ITGAD: variants seen among roughly 807,000 people sequenced by gnomAD.
ITGAD encodes the protein integrin alpha-D.
Under a neutral mutation model 139.0 loss-of-function variants are expected in ITGAD, and 105 were observed. The ratio of observed to expected loss-of-function variants is 0.76; its 90% CI spans 0.65 to 0.89. ITGAD has a LOEUF of 0.89. Ranked by LOEUF, ITGAD falls within the 40% of genes least tolerant of loss-of-function variation. The pLI, the probability that ITGAD is intolerant of heterozygous loss-of-function variation, is 0.00. For missense variants in ITGAD, 1,384 were observed against 1,487.3 expected (o/e 0.93, Z 1.14); for synonymous variants, 569 against 598.3 (o/e 0.95, Z 0.71).
At chr16:31,397,937 T>G in intron 5 of ITGAD, 28 bp downstream of exon 5, 1 of 1,550,616 alleles carries the variant, frequency 6.4e-7, no homozygotes, top group Non-Finnish European at 8.8e-7. Context: ...CATGGTTCCC[T>G]GTGGAGCACA....
chr16:31,409,569 C>T (rs1205226788), intron 10 of ITGAD, among the ~76,000 whole-genome samples: 1 of 152,082 alleles, frequency 6.6e-6, no homozygotes. Context: ...ATGCCTGTGG[C>T]TCCCTGAAGG....
At position 31,411,366 on chromosome 16, in the gene ITGAD, G is replaced by A. The variant is rs752180420; in HGVS notation, c.1556G>A (p.Arg519His). The A allele has an allele frequency of 2.0e-5, 33 of 1,613,900 alleles. No individual in the cohort carries two copies. Among genetic ancestry groups the A allele is most frequent in the Non-Finnish European group, 2.5e-5 (30 of 1,179,956 alleles). ...LRGEQGHPWGRFGAALTVLGD... is the reference protein window; with the variant it reads ...LRGEQGHPWGHFGAALTVLGD... ...GGTGAGCAGGGCCACCCCTGGGGCCGCTTTGGGGCAGCCCTGACAGTGTTG... is the reference window on the plus strand; with the variant it reads ...GGTGAGCAGGGCCACCCCTGGGGCCACTTTGGGGCAGCCCTGACAGTGTTG... Residue 519 changes from arginine to histidine, a missense_variant, in exon 14 of 30, where the codon CGC (arginine) becomes CAC (histidine). Arg to His is a conservative substitution (Grantham distance 29). Transcript: ENST00000389202.
intron 14 of ITGAD, among the ~76,000 whole-genome samples, chr16:31,411,972 T>C (rs774138804): frequency 3.9e-5 from 6 of 152,122 alleles, no homozygotes; most frequent in Non-Finnish European, 8.8e-5. Context: ...ATTGTTACGC[T>C]CTTACTTCCT....
At chr16:31,408,263 C>T (rs1011875942) in intron 9 of ITGAD, among the ~76,000 whole-genome samples, 162 bp from the exon 10 acceptor site, 9 of 152,162 alleles carry the variant, frequency 5.9e-5, no homozygotes, top group East Asian at 1.9e-4. Flanking sequence ...TGAGCCACTG[C>T]GCCCAGCCTG....
At chr16:31,401,184 T>C (rs2142638387) in intron 5 of ITGAD, among the ~76,000 whole-genome samples, 1 of 152,146 alleles carries the variant, frequency 6.6e-6, no homozygotes, top group Middle Eastern at 3.4e-3. Flanking sequence ...TGCCTGAGCC[T>C]GGGGAGGTCG....
At chr16:31,419,751 C>A (rs1034719647) in intron 23 of ITGAD, among the ~76,000 whole-genome samples, 1 of 135,720 alleles carries the variant, frequency 7.4e-6, no homozygotes, top group Non-Finnish European at 1.5e-5. Context: ...GCGGAGATTG[C>A]GGTGAGCTGA....
rs781135838 is a variant in ITGAD, at chr16:31,416,492, C to T, written c.2358-13C>T. On this transcript the variant is annotated splice_polypyrimidine_tract_variant and intron_variant, in intron 19 of 29. Transcript: ENST00000389202. The stretch of plus-strand genomic sequence containing the variant: ...AGTGGAGCGCCACTCCCAGCCTCGT[C>T]CTTCCCCTTCAGCCTGCAGACCCTG... The T allele has an allele frequency of 5.0e-6, 8 of 1,603,956 alleles. No individual in the cohort carries two copies. In the Middle Eastern group the frequency reaches 6.6e-4, roughly 133 times the overall value.
chr16:31,424,033 C>T, intron 27 of ITGAD, 69 bp from the exon 28 acceptor site: 3 of 1,604,716 alleles, frequency 1.9e-6, no homozygotes, highest in Non-Finnish European at 2.6e-6. Flanking sequence ...ATCTGCAAGC[C>T]AGGGCACCCC....
intron 29 of ITGAD, 167 bp downstream of exon 29, chr16:31,424,744 G>A: frequency 2.0e-6 from 1 of 498,262 alleles, no homozygotes; most frequent in East Asian, 3.5e-5. Context: ...ATTACAGGTG[G>A]ACTGCACCAT....
intron 5 of ITGAD, 89 bp downstream of exon 5, chr16:31,397,998 C>A: frequency 2.0e-6 from 2 of 1,013,286 alleles, no homozygotes; most frequent in Non-Finnish European, 2.9e-6. Flanking sequence ...GGCCCCTGTG[C>A]CCTCCCTGGA....
At chr16:31,398,949 G>C (rs2081339110) in intron 5 of ITGAD, among the ~76,000 whole-genome samples, 1 of 152,162 alleles carries the variant, frequency 6.6e-6, no homozygotes, top group African/African-American at 2.4e-5. Context: ...CCATGAGGGA[G>C]GTGTTTCTTC....
At position 31,393,403 on chromosome 16, in the gene ITGAD, C is replaced by A; in HGVS notation, c.31+12C>A. On this transcript the variant is annotated intron_variant, in intron 1 of 29. Coordinates refer to ENST00000389202, the MANE Select transcript of ITGAD (RefSeq NM_005353.3). ...GCTTCTTCTGAGTGGTAAGTGGGGC[C>A]AGGGTGCTGGGGAGAAGCTTGGAGG... 1 of 1,613,964 alleles carries A rather than the reference C, an allele frequency of 6.2e-7. No individual in the cohort carries two copies. Among genetic ancestry groups the A allele is most frequent in the Non-Finnish European group, 8.5e-7 (1 of 1,179,992 alleles).
chr16:31,398,863 A>C (rs1451401172), intron 5 of ITGAD, among the ~76,000 whole-genome samples: 1 of 152,238 alleles, frequency 6.6e-6, no homozygotes, highest in East Asian at 1.9e-4. Flanking sequence ...TCCAGTTGCC[A>C]ACAGGTGCAT....
rs530795898 is a variant in ITGAD, at chr16:31,426,485, T to C, written c.*357T>C. 7.2e-4 allele frequency: 179 copies of C among 249,918 alleles called. 2 individuals carry two copies. The highest frequency in any genetic ancestry group is 4.0e-3 in the African/African-American group (175 of 44,190). 15.5% of individuals were successfully genotyped at this position (249,918 alleles called of 1,614,324 possible). A position where few individuals can be genotyped will look rare whatever the true frequency, so the allele number is the denominator to read the frequency against. ...GTCGGGGGAACCTATTTGTGGGCATTGAAAAAGTTTTTTCACTTTCTATGG... is the reference window on the plus strand; with the variant it reads ...GTCGGGGGAACCTATTTGTGGGCATCGAAAAAGTTTTTTCACTTTCTATGG... On this transcript the variant is annotated 3_prime_UTR_variant, in exon 30 of 30. Transcript: ENST00000389202.
intron 2 of ITGAD, among the ~76,000 whole-genome samples, chr16:31,396,763 TA>T (rs1290487274): frequency 1.3e-5 from 2 of 152,184 alleles, no homozygotes; most frequent in Non-Finnish European, 2.9e-5. Context: ...TTTCCAAAAT[TA>T]AAAAACTTTC....
intron 5 of ITGAD, 140 bp from the exon 6 acceptor site, chr16:31,401,975 C>T: frequency 1.2e-6 from 1 of 836,620 alleles, no homozygotes; most frequent in Non-Finnish European, 1.8e-6. Flanking sequence ...GCTGGGGTGG[C>T]AGACTGGGGC....
intron 9 of ITGAD, 44 bp from the exon 10 acceptor site, chr16:31,408,381 G>T: frequency 6.5e-7 from 1 of 1,532,798 alleles, no homozygotes; most frequent in Non-Finnish European, 9.0e-7. Context: ...AGTCCTCATG[G>T]GTCTCATGGC....
rs1157774118 is a variant in ITGAD, at chr16:31,426,491, A to C, written c.*363A>C. 1 of 251,272 alleles carries C rather than the reference A, an allele frequency of 4.0e-6. No homozygotes were observed. Among genetic ancestry groups the C allele is most frequent in the African/African-American group, 2.3e-5 (1 of 44,154 alleles). The allele number at this position is 251,272 out of a possible 1,614,324, so 15.6% of individuals were successfully genotyped here. A position where few individuals can be genotyped will look rare whatever the true frequency, so the allele number is the denominator to read the frequency against. The stretch of plus-strand genomic sequence containing the variant: ...GGAACCTATTTGTGGGCATTGAAAA[A>C]GTTTTTTCACTTTCTATGGTGATGG... On this transcript the variant is annotated 3_prime_UTR_variant, in exon 30 of 30. Transcript: ENST00000389202.
At chr16:31,394,445 G>A (rs1003479627) in intron 2 of ITGAD, 104 bp downstream of exon 2, 1 of 733,500 alleles carries the variant, frequency 1.4e-6, no homozygotes, top group Non-Finnish European at 2.3e-6. Context: ...AGGCCAGCAG[G>A]GGTGAGAAGT....
Sources: allele counts gnomAD v4.1 joint callset (sites outside exome capture counted in the v4.1 genomes callset), GRCh38; gene constraint gnomAD v4.1.1; transcripts MANE v1.5; gene names NCBI Gene and HGNC (gene_info 2026-07-23, HGNC 2026-07-21).